Variants in NFX1 observed in about 807,000 individuals in gnomAD.
NFX1 encodes the protein transcriptional repressor NF-X1.
A neutral mutation model predicts 137.2 loss-of-function variants in NFX1; 69 were observed. That is an observed-to-expected ratio of 0.50 (90% CI 0.41 to 0.61). The LOEUF is 0.61. NFX1 is among the 20% of genes least tolerant of loss of function. The pLI, the probability that NFX1 is intolerant of heterozygous loss-of-function variation, is 0.00. For synonymous variants in NFX1, 495 were observed against 474.1 expected, an observed-to-expected ratio of 1.04 and a Z score of -0.57; for missense variants, 1,167 against 1,391.0, an observed-to-expected ratio of 0.84 and a Z score of 2.56.
chr9:33,303,139 A>G (rs999210926), intron 3 of NFX1, 52 bp from the exon 4 acceptor site: 42 of 1,427,008 alleles, frequency 2.9e-5, no homozygotes, highest in Non-Finnish European at 3.8e-5. Context: ...TTTTAATTAC[A>G]TGTAGCTTTT....
At chr9:33,309,591 C>A (rs1264824699) in intron 5 of NFX1, among the ~76,000 whole-genome samples, 1 of 152,176 alleles carries the variant, frequency 6.6e-6, no homozygotes, top group Non-Finnish European at 1.5e-5. Flanking sequence ...CTTTTCTGGT[C>A]TCCAAGAAAG....
At chr9:33,292,501 T>A (rs1328821122) in intron 1 of NFX1, among the ~76,000 whole-genome samples, 1 of 152,244 alleles carries the variant, frequency 6.6e-6, no homozygotes, top group Non-Finnish European at 1.5e-5. Context: ...AGGGTACCAC[T>A]TGTATTCTAG....
chr9:33,321,477 A>C (rs1822381387), intron 9 of NFX1, among the ~76,000 whole-genome samples: 1 of 150,914 alleles, frequency 6.6e-6, no homozygotes, highest in South Asian at 2.1e-4. Context: ...ACACAGCTTC[A>C]GTATAAGAGA....
At chr9:33,350,522 T>A (rs1322470832) in intron 15 of NFX1, among the ~76,000 whole-genome samples, 1 of 152,220 alleles carries the variant, frequency 6.6e-6, no homozygotes, top group African/African-American at 2.4e-5. Flanking sequence ...TTGTTTGTTG[T>A]CACTTTGGAA....
intron 23 of NFX1, 55 bp from the exon 24 acceptor site, chr9:33,369,851 T>C: frequency 8.0e-7 from 1 of 1,257,140 alleles, no homozygotes. Context: ...TCTGAAGTCC[T>C]GTATCTGTTT....
chr9:33,354,509 G>A (rs775200609), intron 18 of NFX1, among the ~76,000 whole-genome samples: 45 of 152,168 alleles, frequency 3.0e-4, no homozygotes, highest in Admixed American at 2.4e-3. Flanking sequence ...GTTAAGAGGG[G>A]CACCTGTGGA....
intron 19 of NFX1, 49 bp from the exon 20 acceptor site, chr9:33,363,961 T>G: frequency 7.6e-7 from 1 of 1,313,926 alleles, no homozygotes; most frequent in Non-Finnish European, 1.0e-6. Flanking sequence ...TACTGCAAGA[T>G]AGTTTCCCTC....
At chr9:33,308,303 G>A (rs1587826538) in intron 5 of NFX1, among the ~76,000 whole-genome samples, 2 of 152,174 alleles carry the variant, frequency 1.3e-5, no homozygotes, top group Admixed American at 6.5e-5. Flanking sequence ...TTAGCCAGCT[G>A]TGGTGGCACA....
chr9:33,323,943 G>A lies in NFX1; in HGVS notation c.1907-4638G>A, dbSNP rs151110941. Among the ~76,000 whole-genome samples, 206 of 152,228 alleles carry A rather than the reference G, an allele frequency of 1.4e-3. 1 individual carries two copies. The highest frequency in any genetic ancestry group is 2.1e-3 in the Non-Finnish European group (141 of 68,012). On this transcript the variant is annotated intron_variant, in intron 9 of 23. Coordinates refer to ENST00000379540, the MANE Select transcript of NFX1 (RefSeq NM_002504.6). ...TCTGAAGTTTAAAAGTAGGATAACC[G>A]AAATGCAAAATTCATTAGGCTGGGT...
intron 1 of NFX1, among the ~76,000 whole-genome samples, chr9:33,292,558 T>C (rs1239589847): frequency 1.3e-5 from 2 of 152,216 alleles, no homozygotes; most frequent in African/African-American, 4.8e-5. Flanking sequence ...CTACTTGAAA[T>C]AGTGAAATAA....
Position 33,338,691 on chromosome 9 carries a change from TG to T in NFX1, c.2115+105del, listed in dbSNP as rs11364292. 3.9e-3 allele frequency: 3,911 copies of T among 996,862 alleles called. 105 individuals carry two copies. The African/African-American group carries it at 0.057, about 14-fold the overall frequency. 61.8% of individuals were successfully genotyped at this position (996,862 alleles called of 1,614,324 possible). A position where few individuals can be genotyped will look rare whatever the true frequency, so the allele number is the denominator to read the frequency against. ...AATGCAGCCCGGATTTAAAAGTCAC[TG>T]GGACAGGCCCCTAAGCAGCAGTCAG... On this transcript the variant is annotated intron_variant, in intron 12 of 23. Transcript: ENST00000379540.
rs1017273276 is a variant in NFX1, at chr9:33,347,033, T to C, written c.2345-5T>C. ...ATTCCTAAAGTTACCTTTCTCTTTC[T>C]GCAGTATATCATTCTTGTCATAGTG... On this transcript the variant is annotated splice_polypyrimidine_tract_variant and splice_region_variant and intron_variant, in intron 14 of 23. Transcript: ENST00000379540. 5 of 1,608,262 alleles carry C rather than the reference T, an allele frequency of 3.1e-6. No homozygotes were observed. The highest frequency in any genetic ancestry group is 3.4e-6 in the Non-Finnish European group (4 of 1,175,150).
At chr9:33,329,970 T>G (rs1211219735) in intron 10 of NFX1, among the ~76,000 whole-genome samples, 1 of 151,894 alleles carries the variant, frequency 6.6e-6, no homozygotes, top group Non-Finnish European at 1.5e-5. Context: ...ATTTTTGTAT[T>G]TTTAGTAGAG....
At chr9:33,332,338 G>A in intron 10 of NFX1, 134 bp from the exon 11 acceptor site, 1 of 787,808 alleles carries the variant, frequency 1.3e-6, no homozygotes, top group East Asian at 2.9e-5. Flanking sequence ...CATGGCAAGT[G>A]AAGTTGGTGA....
rs150741551 is a variant in NFX1, at chr9:33,326,583, G to A, written c.1907-1998G>A. On this transcript the variant is annotated intron_variant, in intron 9 of 23. Transcript: ENST00000379540. Reference sequence around the variant, plus strand: ...GAAATTTGTAAAATTACCCAGACATGGTGGTATGTGCCTGTAGTCCCACCT... The same window carrying A: ...GAAATTTGTAAAATTACCCAGACATAGTGGTATGTGCCTGTAGTCCCACCT... Among the ~76,000 whole-genome samples, 1,509 of 152,130 alleles carry A rather than the reference G, an allele frequency of 9.9e-3. 18 individuals carry two copies. The highest frequency in any genetic ancestry group is 0.015 in the Admixed American group (230 of 15,252).
rs1164458988 is a variant in NFX1 at position 33,295,082 on chromosome 9, G to A, written c.688G>A (p.Gly230Arg). Residue 230 changes from glycine to arginine, a missense_variant, in exon 2 of 24, where the codon GGG (glycine) becomes AGG (arginine). This residue lies in a region of NFX1 where 367 missense variants were observed against 386.7 expected (regional missense o/e 0.95). Coordinates refer to ENST00000379540, the MANE Select transcript of NFX1 (RefSeq NM_002504.6). ...EASSRKGVLD[G>R]YGARRNEQRR... The stretch of plus-strand genomic sequence containing the variant: ...ATCCTCTAGAAAAGGAGTATTGGAT[G>A]GGTATGGAGCCAGACGAAATGAGCA... 1.2e-6 allele frequency: 2 copies of A among 1,614,146 alleles called. No homozygotes were observed. The highest frequency in any genetic ancestry group is 2.2e-5 in the South Asian group (2 of 91,076).
At position 33,295,315 on chromosome 9, in the gene NFX1, C is replaced by T. The variant is rs1169827257; in HGVS notation, c.921C>T (p.Ser307=). ...ACTTGGCAGTCATCAACAAGTCTTC[C>T]AGGAGGGTTGACCAAGAGAAATGCA... ...SENLAVINKS[S]RRVDQEKCTV... is the part of the protein sequence containing the mutation. The change falls in exon 2 of 24, where the codon TCC becomes TCT. Residue 307 remains serine (S), a synonymous_variant. Coordinates refer to ENST00000379540, the MANE Select transcript of NFX1 (RefSeq NM_002504.6). The T allele has an allele frequency of 5.0e-6, 8 of 1,613,974 alleles. 1 individual carries two copies. Among genetic ancestry groups the T allele is most frequent in the Middle Eastern group, 3.3e-4 (2 of 6,084 alleles).
intron 3 of NFX1, 142 bp downstream of exon 3, chr9:33,301,563 T>A: frequency 2.7e-6 from 2 of 739,350 alleles, no homozygotes; most frequent in Non-Finnish European, 4.1e-6. Flanking sequence ...ATCATGTGTT[T>A]CATATGACCA....
chr9:33,369,285 A>T (rs746933024), intron 23 of NFX1, among the ~76,000 whole-genome samples: 1 of 151,994 alleles, frequency 6.6e-6, no homozygotes, highest in Admixed American at 6.6e-5. Flanking sequence ...GGATGGTCTC[A>T]ATCTCCTGAC....
Sources: allele counts gnomAD v4.1 joint callset (sites outside exome capture counted in the v4.1 genomes callset), GRCh38; gene constraint gnomAD v4.1.1; regional missense constraint gnomAD v4.1.1; transcripts MANE v1.5; gene names NCBI Gene and HGNC (gene_info 2026-07-23, HGNC 2026-07-21).